ZNF232: variants seen among roughly 807,000 people sequenced by gnomAD.
The protein encoded by ZNF232 is zinc finger protein 232, also known as zinc finger and SCAN domain-containing protein 11.
Under a neutral mutation model 25.2 loss-of-function variants are expected in ZNF232, and 25 were observed. The ratio of observed to expected loss-of-function variants is 0.99; its 90% CI spans 0.72 to 1.39. The LOEUF (loss-of-function observed/expected upper bound fraction) is 1.39, where lower values mean the gene tolerates loss of function less well. ZNF232 is among the 40% of genes most tolerant of loss of function. The pLI is 0.00. For synonymous variants in ZNF232, 193 were observed against 182.9 expected, an observed-to-expected ratio of 1.06 and a Z score of -0.45; for missense variants, 519 against 520.9, an observed-to-expected ratio of 1.00 and a Z score of 0.04.
chr17:5,106,074 T>C, exon 4 of ZNF232: 2 of 1,614,202 alleles, frequency 1.2e-6, no homozygotes, highest in South Asian at 1.1e-5. Context: ...CCCACATTCA[T>C]TACATTCGAA....
At chr17:5,112,852 C>T (rs890898863), upstream of ZNF232, among the ~76,000 whole-genome samples, 13 of 151,912 alleles carry the variant, frequency 8.6e-5, no homozygotes, top group Admixed American at 2.0e-4. Context: ...GTAGTCCCCA[C>T]TACTCAGGAG....
upstream of ZNF232, chr17:5,114,048 A>G (rs1239482882): frequency 1.3e-5 from 2 of 152,200 alleles, no homozygotes; most frequent in East Asian, 3.8e-4. Flanking sequence ...ATCAGATGAA[A>G]ATTGCTCTTA....
chr17:5,108,880 T>C, intron 3 of ZNF232, 46 bp downstream of exon 3: 1 of 1,612,918 alleles, frequency 6.2e-7, no homozygotes, highest in Admixed American at 1.7e-5. Flanking sequence ...GTGCCCTTTA[T>C]AGTCCCTCTT....
intron 1 of ZNF232, among the ~76,000 whole-genome samples, chr17:5,118,766 G>A (rs2072587066): frequency 6.6e-6 from 1 of 152,228 alleles, no homozygotes; most frequent in African/African-American, 2.4e-5. Context: ...GGGAGCTAGA[G>A]AGGGGGTAGA....
chr17:5,119,264 T>C (rs2072599025), intron 1 of ZNF232, among the ~76,000 whole-genome samples: 1 of 152,232 alleles, frequency 6.6e-6, no homozygotes, highest in Non-Finnish European at 1.5e-5. Flanking sequence ...TTTAGGCTCT[T>C]TTCTCAAAGT....
At chr17:5,118,573 G>A (rs983293749) in intron 1 of ZNF232, among the ~76,000 whole-genome samples, 6 of 152,258 alleles carry the variant, frequency 3.9e-5, no homozygotes, top group African/African-American at 9.6e-5. Context: ...GCCCCATTGC[G>A]TGGGGTGGCT....
intron 1 of ZNF232, among the ~76,000 whole-genome samples, chr17:5,119,678 T>A (rs1164755174): frequency 6.6e-6 from 1 of 152,210 alleles, no homozygotes; most frequent in African/African-American, 2.4e-5. Context: ...AACTAACTAA[T>A]GAGTAACTCA....
At chr17:5,117,331 C>A (rs1222490287) in intron 1 of ZNF232, among the ~76,000 whole-genome samples, 2 of 152,032 alleles carry the variant, frequency 1.3e-5, no homozygotes, top group Non-Finnish European at 2.9e-5. Context: ...GCCTGACCAA[C>A]ATGGTGAAAC....
exon 2 of ZNF232, chr17:5,109,473 C>G (rs745929744): frequency 1.9e-6 from 3 of 1,614,100 alleles, no homozygotes; most frequent in Non-Finnish European, 2.5e-6. Flanking sequence ...GTGATGTCCC[C>G]GCACCCAGGA....
chr17:5,109,717 G>T, exon 2 of ZNF232: 2 of 1,614,112 alleles, frequency 1.2e-6, no homozygotes, highest in Non-Finnish European at 1.7e-6. Flanking sequence ...TCACAAGACT[G>T]TTCCTCTTCC....
chr17:5,111,944 CGGACTTTGGCCCAGGCGCGT>C, upstream of ZNF232: 1 of 1,429,578 alleles, frequency 7.0e-7, no homozygotes, highest in African/African-American at 1.4e-5. Context: ...CTTCCGTTCG[CGGACTTTGGCCCAGGCGCGT>C]GGGCGCTGCC....
intron 1 of ZNF232, among the ~76,000 whole-genome samples, chr17:5,110,196 CTTCTT>C (rs560165206): frequency 6.8e-4 from 103 of 151,924 alleles, no homozygotes; most frequent in Admixed American, 2.7e-3. Flanking sequence ...CCGTCCTCCT[CTTCTT>C]TTTTCATTCA....
chr17:5,108,621 A>G (rs1327936663), intron 3 of ZNF232, among the ~76,000 whole-genome samples: 4 of 152,032 alleles, frequency 2.6e-5, no homozygotes, highest in African/African-American at 9.7e-5. Flanking sequence ...TAAATGAATG[A>G]GCTATTTCCT....
At chr17:5,106,437 T>G in exon 4 of ZNF232, 2 of 1,614,258 alleles carry the variant, frequency 1.2e-6, no homozygotes, top group Non-Finnish European at 1.7e-6. Flanking sequence ...CACCTGTGAT[T>G]CCACTTCAGT....
chr17:5,110,211 A>G (rs1597926219), intron 1 of ZNF232, among the ~76,000 whole-genome samples: 1 of 151,980 alleles, frequency 6.6e-6, no homozygotes, highest in East Asian at 1.9e-4. Flanking sequence ...TTTTTCATTC[A>G]TTAAACATAT....
chr17:5,115,603 C>T (rs1345456185), upstream of ZNF232, among the ~76,000 whole-genome samples: 3 of 148,014 alleles, frequency 2.0e-5, no homozygotes, highest in Non-Finnish European at 4.5e-5. Context: ...AGAGGCAGTT[C>T]TGTATTCCAG....
chr17:5,112,004 T>C (rs2143631674), upstream of ZNF232: 2 of 899,140 alleles, frequency 2.2e-6, no homozygotes, highest in East Asian at 2.8e-5. Context: ...AACCGGTTCC[T>C]GGACTTGAGC....
At chr17:5,120,219 G>A (rs1275139288) in intron 1 of ZNF232, among the ~76,000 whole-genome samples, 1 of 152,150 alleles carries the variant, frequency 6.6e-6, no homozygotes, top group East Asian at 1.9e-4. Context: ...GCCTGGCACG[G>A]TGACACCAAC....
exon 4 of ZNF232, chr17:5,106,457 T>C (rs756224975): frequency 3.1e-6 from 5 of 1,614,238 alleles, no homozygotes; most frequent in Non-Finnish European, 4.2e-6. Context: ...TAATGGGTGG[T>C]TGTGGCAATG....
Sources: gnomAD v4.1 joint callset for allele counts (sites outside exome capture counted in the v4.1 genomes callset) on GRCh38, gnomAD v4.1.1 for gene constraint, MANE v1.5 for transcripts, NCBI Gene and HGNC (gene_info 2026-07-23, HGNC 2026-07-21) for gene names.